The following DNAJB1 variants were observed in gnomAD, a reference collection of about 807,000 sequenced individuals.
DNAJB1 encodes dnaJ homolog subfamily B member 1.
A neutral mutation model predicts 24.0 loss-of-function variants in DNAJB1; 14 were observed. The ratio of observed to expected loss-of-function variants is 0.58; its 90% CI spans 0.39 to 0.91. The LOEUF (loss-of-function observed/expected upper bound fraction) is 0.91, where lower values mean the gene tolerates loss of function less well. Ranked by LOEUF, DNAJB1 falls within the 40% of genes least tolerant of loss-of-function variation. The pLI is 0.00. For synonymous variants in DNAJB1, 262 were observed against 174.4 expected (o/e 1.50, Z -3.96); for missense variants, 517 against 458.1 (o/e 1.13, Z -1.17).
At chr19:14,525,123 T>G (rs1309033094) in intron 2 of DNAJB1, among the ~76,000 whole-genome samples, 4 of 151,540 alleles carry the variant, frequency 2.6e-5, no homozygotes, top group Non-Finnish European at 5.9e-5. Context: ...AACCCAGCTA[T>G]TCGGGAGGCT....
At chr19:14,529,761 T>C, upstream of DNAJB1, 2 of 1,613,620 alleles carry the variant, frequency 1.2e-6, no homozygotes, top group Non-Finnish European at 1.7e-6. Context: ...CCCATTCTTT[T>C]TCCTTCTTTG....
intron 1 of DNAJB1, among the ~76,000 whole-genome samples, chr19:14,539,181 AGACG>A: frequency 6.5e-5 from 8 of 123,058 alleles, no homozygotes; most frequent in African/African-American, 2.2e-4. Flanking sequence ...TTTTTAGTAG[AGACG>A]AAGTTTTACC....
At position 14,516,179 on chromosome 19, in the gene DNAJB1, G is replaced by A. The variant is rs372432242; in HGVS notation, c.793-9C>T. The A allele has an allele frequency of 1.3e-5, 21 of 1,613,072 alleles. No individual in the cohort carries two copies. The highest frequency in any genetic ancestry group is 1.7e-5 in the Non-Finnish European group (20 of 1,179,836). ...GTGCAGCCACACAGAGCCTTGAAAA[G>A]CAAAAGGACAGCATTAGATGGAAGC... On this transcript the variant is annotated splice_polypyrimidine_tract_variant and intron_variant, in intron 2 of 2. Transcript: ENST00000254322.
upstream of DNAJB1, chr19:14,529,855 C>T: frequency 2.7e-6 from 3 of 1,129,582 alleles, no homozygotes; most frequent in East Asian, 2.5e-5. Flanking sequence ...GCGTTGCGCC[C>T]CGGGCCACTC....
chr19:14,539,517 G>A (rs1024999952), intron 1 of DNAJB1, among the ~76,000 whole-genome samples: 5 of 151,934 alleles, frequency 3.3e-5, no homozygotes, highest in Non-Finnish European at 7.4e-5. Context: ...GTTCCCCACC[G>A]AGCCACAGGC....
In DNAJB1 at chr19:14,556,987, C is replaced by T. The variant is rs117802673; in HGVS notation, c.-2165-2669G>A. 3.8e-4 allele frequency among the ~76,000 whole-genome samples: 58 copies of T among 152,270 alleles called. 1 individual carries two copies. In the East Asian group the frequency reaches 7.7e-3, roughly 20 times the overall value. ...GCATCAGTGCACCAGCTCTCTGGCCCTGGCTTCCTGTGGATGGGCCCCTTC... is the reference window on the plus strand; with the variant it reads ...GCATCAGTGCACCAGCTCTCTGGCCTTGGCTTCCTGTGGATGGGCCCCTTC... On this transcript the variant is annotated intron_variant, in intron 1 of 5. Coordinates refer to the DNAJB1 transcript ENST00000679223.
upstream of DNAJB1, chr19:14,529,399 C>T: frequency 8.7e-6 from 5 of 571,878 alleles, no homozygotes; most frequent in Non-Finnish European, 1.6e-5. Flanking sequence ...GGTCAAGCCC[C>T]TTCTCTTTAG....
chr19:14,542,766 C>G (rs1046965578), intron 1 of DNAJB1, among the ~76,000 whole-genome samples: 1 of 152,034 alleles, frequency 6.6e-6, no homozygotes, highest in Admixed American at 6.6e-5. Context: ...CGACTCACCC[C>G]AGTTACATGG....
intron 1 of DNAJB1, among the ~76,000 whole-genome samples, chr19:14,548,415 C>T (rs1384673011): frequency 6.6e-6 from 1 of 152,126 alleles, no homozygotes; most frequent in Non-Finnish European, 1.5e-5. Flanking sequence ...GCCTCATGTC[C>T]AAATGTCAGC....
chr19:14,551,375 AATT>A (rs1211880606), upstream of DNAJB1, among the ~76,000 whole-genome samples: 1 of 152,134 alleles, frequency 6.6e-6, no homozygotes, highest in East Asian at 1.9e-4. Flanking sequence ...GCACCTGGCC[AATT>A]ATTATATTTT....
At chr19:14,545,081 A>G (rs1439698936) in intron 1 of DNAJB1, 1 of 456,592 alleles carries the variant, frequency 2.2e-6, no homozygotes, top group Non-Finnish European at 4.4e-6. Context: ...CTCTGAAGCC[A>G]CATTTGCTCC....
chr19:14,516,476 C>T lies in DNAJB1; in HGVS notation c.782G>A (p.Ser261Asn), dbSNP rs2072264451. Residue 261 changes from serine to asparagine, a missense_variant, in exon 2 of 3, where the codon AGC (serine) becomes AAC (asparagine). Physicochemically the swap from Ser to Asn is conservative, Grantham distance 46. Coordinates refer to ENST00000254322, the MANE Select transcript of DNAJB1 (RefSeq NM_006145.3). ...CACCTGGCACCTTACCTCCCGGAGGCTGATCCTGGCAGGATAAATGACATC... is the reference window on the plus strand; with the variant it reads ...CACCTGGCACCTTACCTCCCGGAGGTTGATCCTGGCAGGATAAATGACATC... ...GSDVIYPARI[S>N]LREALCGCTV... 1 of 1,611,134 alleles carries T rather than the reference C, an allele frequency of 6.2e-7. No individual in the cohort carries two copies. The highest frequency in any genetic ancestry group is 1.3e-5 in the African/African-American group (1 of 74,832).
chr19:14,547,799 A>G (rs960839370), intron 1 of DNAJB1, among the ~76,000 whole-genome samples: 2 of 151,624 alleles, frequency 1.3e-5, no homozygotes, highest in African/African-American at 4.8e-5. Context: ...TGCTAGGACT[A>G]CAGGTGCATA....
chr19:14,516,325 G>A (rs768532433), intron 2 of DNAJB1, 141 bp downstream of exon 2: 3 of 1,266,810 alleles, frequency 2.4e-6, no homozygotes, highest in South Asian at 1.4e-5. Flanking sequence ...CTCCACAACA[G>A]CGCCCTGGTC....
At chr19:14,556,100 G>A (rs2073711546) in intron 1 of DNAJB1, among the ~76,000 whole-genome samples, 2 of 152,068 alleles carry the variant, frequency 1.3e-5, no homozygotes, top group South Asian at 4.1e-4. Context: ...CAAAGCCGTG[G>A]CACAGACCGC....
chr19:14,554,702 C>T (rs981124912), upstream of DNAJB1, among the ~76,000 whole-genome samples: 10 of 152,140 alleles, frequency 6.6e-5, no homozygotes, highest in African/African-American at 1.7e-4. Context: ...TACCTCTCAT[C>T]CCCACACCCA....
intron 1 of DNAJB1, among the ~76,000 whole-genome samples, chr19:14,556,594 A>G (rs1012230257): frequency 2.6e-5 from 4 of 151,952 alleles, no homozygotes; most frequent in African/African-American, 9.7e-5. Context: ...TTTCACTGCC[A>G]TATCCCAGGA....
intron 1 of DNAJB1, chr19:14,517,436 A>G (rs1599380766): frequency 6.1e-6 from 1 of 163,480 alleles, no homozygotes; most frequent in South Asian, 1.9e-4. Context: ...GGAAGAGAAG[A>G]AAAAAAAAAA....
chr19:14,521,288 G>A (rs760930925), upstream of DNAJB1, among the ~76,000 whole-genome samples: 20 of 151,746 alleles, frequency 1.3e-4, no homozygotes, highest in Non-Finnish European at 2.5e-4. Context: ...GTGAAACCCC[G>A]TCTCTACTAA....
Sources: allele counts gnomAD v4.1 joint callset (sites outside exome capture counted in the v4.1 genomes callset), GRCh38; gene constraint gnomAD v4.1.1; transcripts MANE v1.5; gene names NCBI Gene and HGNC (gene_info 2026-07-23, HGNC 2026-07-21).